Variants in DMTN observed in about 807,000 individuals in gnomAD.
The protein encoded by DMTN is dematin.
A neutral mutation model predicts 59.4 loss-of-function variants in DMTN; 27 were observed. That is an observed-to-expected ratio of 0.45 (90% confidence interval 0.33 to 0.63). The LOEUF (loss-of-function observed/expected upper bound fraction) is 0.63, where lower values mean the gene tolerates loss of function less well. Ranked by LOEUF, DMTN falls within the 20% of genes least tolerant of loss-of-function variation. DMTN has a pLI of 0.02. For missense variants in DMTN, 451 were observed against 528.9 expected (o/e 0.85, Z 1.45); for synonymous variants, 221 against 203.7 (o/e 1.08, Z -0.72).
chr8:22,073,884 C>A, intron 10 of DMTN, 49 bp downstream of exon 10: 1 of 1,493,752 alleles, frequency 6.7e-7, no homozygotes, highest in South Asian at 1.1e-5. Context: ...AGATGGAGGC[C>A]TGACTCTGTG....
Position 22,080,801 on chromosome 8 carries a change from C to T in DMTN, c.958-4C>T, listed in dbSNP as rs913514360. On this transcript the variant is annotated splice_polypyrimidine_tract_variant and splice_region_variant and intron_variant, in intron 13 of 15. Coordinates refer to ENST00000358242, the MANE Select transcript of DMTN (RefSeq NM_001387751.1). ...CTGGCTCACTGCGGCTTTGGTCTCC[C>T]CAGAACGGAGAGGGCCAGAGGGGGA... The T allele has an allele frequency of 6.2e-7, 1 of 1,607,410 alleles. No homozygotes were observed. The highest frequency in any genetic ancestry group is 8.5e-7 in the Non-Finnish European group (1 of 1,176,634).
chr8:22,072,732 C>T (rs1435473010), intron 9 of DMTN, among the ~76,000 whole-genome samples: 1 of 151,724 alleles, frequency 6.6e-6, no homozygotes, highest in African/African-American at 2.4e-5. Context: ...ACCTCGGCCT[C>T]CCAAAGTGCT....
At chr8:22,061,054 T>C (rs1010578563) in intron 1 of DMTN, among the ~76,000 whole-genome samples, 4 of 152,024 alleles carry the variant, frequency 2.6e-5, no homozygotes. Flanking sequence ...GGAGGATCAC[T>C]TGAGCCCAGG....
Position 22,069,078 on chromosome 8 carries a change from C to T in DMTN, c.294+18C>T. The stretch of plus-strand genomic sequence containing the variant: ...CCCCAGAGGTGAGTCTGCCCCACAC[C>T]TGCAACTTGCCCTGCCCTGCCCTGA... On this transcript the variant is annotated intron_variant, in intron 5 of 15. Coordinates refer to ENST00000358242, the MANE Select transcript of DMTN (RefSeq NM_001387751.1). The T allele has an allele frequency of 6.2e-7, 1 of 1,610,354 alleles. No individual in the cohort carries two copies. Among genetic ancestry groups the T allele is most frequent in the Non-Finnish European group, 8.5e-7 (1 of 1,178,062 alleles).
chr8:22,055,390 TG>T (rs1802103263), upstream of DMTN: 1 of 151,784 alleles, frequency 6.6e-6, no homozygotes, highest in African/African-American at 2.4e-5. Flanking sequence ...AGGGCTGGAG[TG>T]GGGCTGGGGC....
intron 1 of DMTN, among the ~76,000 whole-genome samples, chr8:22,062,888 C>T (rs890782759): frequency 6.6e-6 from 1 of 150,626 alleles, no homozygotes; most frequent in Non-Finnish European, 1.5e-5. Context: ...CAAAGACTCA[C>T]TAGAGACTTC....
At chr8:22,072,631 A>AT (rs61068593) in intron 9 of DMTN, among the ~76,000 whole-genome samples, 181 bp downstream of exon 9, 7,218 of 130,728 alleles carry the variant, frequency 0.055, 521 homozygotes, top group African/African-American at 0.17. Context: ...CGCCCAGCTA[A>AT]TTTTTTTTTT....
At chr8:22,074,199 C>T (rs1222834964) in intron 10 of DMTN, among the ~76,000 whole-genome samples, 4 of 152,144 alleles carry the variant, frequency 2.6e-5, no homozygotes, top group South Asian at 2.1e-4. Context: ...GATCAAGGTG[C>T]GCGGGGTGCT....
intron 1 of DMTN, among the ~76,000 whole-genome samples, chr8:22,061,679 A>T (rs1806617218): frequency 6.6e-6 from 1 of 151,538 alleles, no homozygotes; most frequent in African/African-American, 2.4e-5. Context: ...GTGCAGCTGC[A>T]CATGCTCCTC....
chr8:22,069,427 G>A lies in DMTN; in HGVS notation c.303G>A (p.Ala101=), dbSNP rs200406300. Residue 101 remains alanine, a synonymous_variant, in exon 6 of 16, where the codon GCG becomes GCA. Transcript: ENST00000358242. ...TSPPPSPEVW[A]DSRSPGIISQ... Reference sequence around the variant, plus strand: ...ACGCTTCTGCTCTGCAGGTGTGGGCGGACAGCCGGTCGCCTGGAATCATCT... The same window carrying A: ...ACGCTTCTGCTCTGCAGGTGTGGGCAGACAGCCGGTCGCCTGGAATCATCT... The A allele has an allele frequency of 1.3e-5, 21 of 1,612,548 alleles. No individual in the cohort carries two copies. Among genetic ancestry groups the A allele is most frequent in the South Asian group, 3.3e-5 (3 of 90,938 alleles).
At chr8:22,073,954 C>T (rs1413822386) in intron 10 of DMTN, 119 bp downstream of exon 10, 2 of 733,876 alleles carry the variant, frequency 2.7e-6, no homozygotes, top group African/African-American at 3.5e-5. Flanking sequence ...CGGCTGCTCT[C>T]TTGGGAGCAA....
intron 7 of DMTN, 83 bp from the exon 8 acceptor site, chr8:22,070,099 A>G: frequency 6.4e-7 from 1 of 1,552,960 alleles, no homozygotes; most frequent in South Asian, 1.2e-5. Context: ...GCAGGACCTC[A>G]CAGGTGTGAG....
chr8:22,067,745 A>G (rs1338458032), intron 4 of DMTN, 63 bp downstream of exon 4: 5 of 1,569,430 alleles, frequency 3.2e-6, no homozygotes, highest in Non-Finnish European at 4.3e-6. Flanking sequence ...CTGGGTGGGG[A>G]CCGATCCCTC....
In DMTN at chr8:22,060,696, A is replaced by G. The variant is rs1316164812; in HGVS notation, c.-172+3560A>G. ...GGCCCTGGCTGACCCCAGGAAGCAG[A>G]CCCAGATGCTAAAGCGCAAGACCCA... On this transcript the variant is annotated intron_variant, in intron 1 of 15. Coordinates refer to ENST00000358242, the MANE Select transcript of DMTN (RefSeq NM_001387751.1). The surrounding 1 kb of genome is among the most constrained non-coding windows in gnomAD (Gnocchi z 5.0). Among the ~76,000 whole-genome samples the G allele has an allele frequency of 6.6e-6, 1 of 152,260 alleles. No individual in the cohort carries two copies. Among genetic ancestry groups the G allele is most frequent in the Non-Finnish European group, 1.5e-5 (1 of 68,052 alleles).
At chr8:22,064,056 G>T (rs1224861059) in intron 1 of DMTN, among the ~76,000 whole-genome samples, 1 of 152,184 alleles carries the variant, frequency 6.6e-6, no homozygotes, top group Non-Finnish European at 1.5e-5. Context: ...ATGGATGGAT[G>T]GATGGAGAGA....
At chr8:22,049,851 C>G (rs1001045698), upstream of DMTN, among the ~76,000 whole-genome samples, 5 of 152,188 alleles carry the variant, frequency 3.3e-5, no homozygotes, top group Non-Finnish European at 7.3e-5. Flanking sequence ...CCCTTCTCCT[C>G]TCTGCTCCCT....
chr8:22,082,516 T>G lies in DMTN; in HGVS notation c.*1053T>G. On this transcript the variant is annotated 3_prime_UTR_variant, in exon 16 of 16. Coordinates refer to ENST00000358242, the MANE Select transcript of DMTN (RefSeq NM_001387751.1). ...TCTGCTTGGAATTAAAAGGTTGCAT[T>G]GGGTCCCTACATCTGTCTTTTCCTT... 1 of 296,854 alleles carries G rather than the reference T, an allele frequency of 3.4e-6. No individual in the cohort carries two copies. The highest frequency in any genetic ancestry group is 6.7e-6 in the Non-Finnish European group (1 of 149,990). 18.4% of individuals were successfully genotyped at this position (296,854 alleles called of 1,614,324 possible).
upstream of DMTN, among the ~76,000 whole-genome samples, chr8:22,049,455 C>T (rs762526628): frequency 6.6e-5 from 10 of 152,018 alleles, no homozygotes; most frequent in East Asian, 7.8e-4. Context: ...GGTGGGCTTT[C>T]CCAGGGTCCT....
At chr8:22,070,426 A>C in intron 8 of DMTN, 92 bp downstream of exon 8, 1 of 1,445,652 alleles carries the variant, frequency 6.9e-7, no homozygotes. Flanking sequence ...ACCCACTCCC[A>C]CCCCTGCCCT....
Sources: allele counts gnomAD v4.1 joint callset (sites outside exome capture counted in the v4.1 genomes callset), GRCh38; gene constraint gnomAD v4.1.1; non-coding constraint Gnocchi (gnomAD v3.1); transcripts MANE v1.5; gene names NCBI Gene and HGNC (gene_info 2026-07-23, HGNC 2026-07-21).